The following INPP4A variants were observed in gnomAD, a reference collection of about 807,000 sequenced individuals.
INPP4A encodes inositol polyphosphate-4-phosphatase, type I, 107kD.
In INPP4A, 33 loss-of-function variants were observed where a neutral mutation model predicts 119.8. That is an observed-to-expected ratio of 0.28 (90% CI 0.21 to 0.37). INPP4A has a LOEUF of 0.37. Among genes scored for constraint, INPP4A ranks in the 10% least tolerant of loss-of-function variants. The pLI, the probability that INPP4A is intolerant of heterozygous loss-of-function variation, is 1.00. For synonymous variants in INPP4A, 496 were observed against 500.7 expected, an observed-to-expected ratio of 0.99 and a Z score of 0.12; for missense variants, 956 against 1,289.9, an observed-to-expected ratio of 0.74 and a Z score of 3.97.
intron 1 of INPP4A, among the ~76,000 whole-genome samples, chr2:98,487,973 C>A (rs1208082011): frequency 6.6e-6 from 1 of 152,176 alleles, no homozygotes; most frequent in Non-Finnish European, 1.5e-5. Context: ...TGCTCTGTCC[C>A]TGCTTGGCTT....
chr2:98,569,321 G>A lies in INPP4A; in HGVS notation c.2518+653G>A, dbSNP rs1697030485. 3 of 152,370 alleles carry A rather than the reference G, an allele frequency of 2.0e-5. No homozygotes were observed. The highest frequency in any genetic ancestry group is 2.0e-4 in the Admixed American group (3 of 15,288). 9.4% of individuals were successfully genotyped at this position (152,370 alleles called of 1,614,324 possible). On this transcript the variant is annotated intron_variant, in intron 22 of 24. Coordinates refer to ENST00000409851, the MANE Select transcript of INPP4A (RefSeq NM_001134225.2). This position sits in a 1 kb window ranked among gnomAD's most constrained non-coding sequence, Gnocchi z 5.1. ...GAGGATCCGATGGCGAATGAGGGGTGGACCCTACCTTGGAGGGAAAGCTGG... is the reference window on the plus strand; with the variant it reads ...GAGGATCCGATGGCGAATGAGGGGTAGACCCTACCTTGGAGGGAAAGCTGG...
intron 17 of INPP4A, 107 bp downstream of exon 17, chr2:98,559,602 A>G (rs1161765788): frequency 8.2e-7 from 1 of 1,214,574 alleles, no homozygotes; most frequent in African/African-American, 1.5e-5. Flanking sequence ...CAGAGTTGGG[A>G]AAGTATTCCA....
intron 22 of INPP4A, among the ~76,000 whole-genome samples, chr2:98,572,599 G>T (rs1697665249): frequency 6.6e-6 from 1 of 152,258 alleles, no homozygotes; most frequent in Non-Finnish European, 1.5e-5. Flanking sequence ...ACTGAAGGGA[G>T]ATGAAGGAAA....
chr2:98,590,137 ATAAC>A lies in INPP4A; in HGVS notation c.*2531_*2534del. ...TAGTCTTTAGAATGACACATAATAA[ATAAC>A]TGACAAGATATTAAATGTGGTCTTG... On this transcript the variant is annotated 3_prime_UTR_variant, in exon 25 of 25. Coordinates refer to ENST00000409851, the MANE Select transcript of INPP4A (RefSeq NM_001134225.2). The A allele has an allele frequency of 5.0e-6, 1 of 198,200 alleles. No homozygotes were observed. The highest frequency in any genetic ancestry group is 1.0e-5 in the Non-Finnish European group (1 of 95,822). 12.3% of individuals were successfully genotyped at this position (198,200 alleles called of 1,614,324 possible). A position where few individuals can be genotyped will look rare whatever the true frequency, so the allele number is the denominator to read the frequency against.
intron 24 of INPP4A, among the ~76,000 whole-genome samples, chr2:98,579,172 C>T (rs1254662014): frequency 2.0e-5 from 3 of 151,974 alleles, no homozygotes; most frequent in Non-Finnish European, 4.4e-5. Flanking sequence ...GCCCTTGCCT[C>T]CTGAGTAGCT....
At chr2:98,563,416 T>C (rs1437886671) in intron 17 of INPP4A, 49 bp from the exon 18 acceptor site, 2 of 1,552,020 alleles carry the variant, frequency 1.3e-6, no homozygotes, top group Admixed American at 3.7e-5. Context: ...CAGAACCTAA[T>C]TCTTAAAATC....
intron 1 of INPP4A, among the ~76,000 whole-genome samples, chr2:98,478,858 A>C (rs1677807646): frequency 6.6e-6 from 1 of 152,182 alleles, no homozygotes; most frequent in Admixed American, 6.5e-5. Flanking sequence ...CTGTTTTTTG[A>C]AAAGAAAGAG....
chr2:98,555,997 T>C (rs1400770162), intron 16 of INPP4A, 189 bp downstream of exon 16: 7 of 603,398 alleles, frequency 1.2e-5, no homozygotes, highest in Non-Finnish European at 1.9e-5. Context: ...TGCCTTTCCA[T>C]GTAACTGGAG....
chr2:98,487,512 G>A (rs766423625), intron 1 of INPP4A, among the ~76,000 whole-genome samples: 18 of 152,174 alleles, frequency 1.2e-4, no homozygotes, highest in African/African-American at 4.1e-4. Context: ...GATTTCAGGC[G>A]TGAGCCACCA....
chr2:98,526,935 C>T (rs935856346), intron 4 of INPP4A, among the ~76,000 whole-genome samples: 6 of 152,140 alleles, frequency 3.9e-5, no homozygotes, highest in Non-Finnish European at 5.9e-5. Context: ...TCACTCATCA[C>T]CAAGGGGATG....
At position 98,590,053 on chromosome 2, in the gene INPP4A, T is replaced by C; in HGVS notation, c.*2445T>C. 5.2e-6 allele frequency: 1 copy of C among 190,716 alleles called. No homozygotes were observed. The highest frequency in any genetic ancestry group is 1.1e-5 in the Non-Finnish European group (1 of 91,036). The allele number at this position is 190,716 out of a possible 1,614,324, so 11.8% of individuals were successfully genotyped here. On this transcript the variant is annotated 3_prime_UTR_variant, in exon 25 of 25. Coordinates refer to ENST00000409851, the MANE Select transcript of INPP4A (RefSeq NM_001134225.2). ...CAGTATTACTATATATATATAAACA[T>C]ACAGTTACTGTTTTATATATTCTTA... is the stretch of plus-strand genomic sequence containing the variant.
intron 7 of INPP4A, among the ~76,000 whole-genome samples, chr2:98,536,767 C>T (rs1204759618): frequency 2.0e-5 from 3 of 152,154 alleles, no homozygotes; most frequent in Admixed American, 1.3e-4. Context: ...GAACTGTGAT[C>T]TGGGAAAGTA....
At position 98,546,714 on chromosome 2, in the gene INPP4A, T is replaced by C. The variant is rs1012572319; in HGVS notation, c.1163+20T>C. The C allele has an allele frequency of 7.8e-6, 11 of 1,408,228 alleles. No homozygotes were observed. The highest frequency in any genetic ancestry group is 5.8e-5 in the South Asian group (5 of 86,850). The allele number at this position is 1,408,228 out of a possible 1,614,324, so 87.2% of individuals were successfully genotyped here. On this transcript the variant is annotated intron_variant, in intron 13 of 24. Transcript: ENST00000409851. The surrounding 1 kb of genome is among the most constrained non-coding windows in gnomAD (Gnocchi z 4.2). The stretch of plus-strand genomic sequence containing the variant: ...GAAACAGTAAGTAGCCAGAGAGGGT[T>C]TGTGGTCCTTGTACAGCTTTCTGAT...
intron 1 of INPP4A, among the ~76,000 whole-genome samples, chr2:98,492,115 C>G (rs1369132597): frequency 6.6e-6 from 1 of 152,148 alleles, no homozygotes; most frequent in African/African-American, 2.4e-5. Context: ...ATCTCGAACA[C>G]TGACCTCACA....
intron 16 of INPP4A, among the ~76,000 whole-genome samples, chr2:98,559,177 T>A (rs1194067128): frequency 6.6e-6 from 1 of 152,240 alleles, no homozygotes; most frequent in African/African-American, 2.4e-5. Flanking sequence ...ATAAGCTAGA[T>A]CGCACATCCC....
At chr2:98,568,379 A>G (rs913063323) in intron 21 of INPP4A, among the ~76,000 whole-genome samples, 192 bp from the exon 22 acceptor site, 9 of 152,222 alleles carry the variant, frequency 5.9e-5, no homozygotes, top group Admixed American at 4.6e-4. Context: ...ATTCCTGCCA[A>G]TGGAATGCAT....
chr2:98,466,854 C>G (rs929304640), intron 1 of INPP4A, among the ~76,000 whole-genome samples: 3 of 152,220 alleles, frequency 2.0e-5, no homozygotes, highest in African/African-American at 7.2e-5. Flanking sequence ...CTACACCAGG[C>G]TTCTGAATGC....
intron 1 of INPP4A, among the ~76,000 whole-genome samples, chr2:98,486,360 C>T (rs183826053): frequency 3.0e-4 from 46 of 152,320 alleles, no homozygotes; most frequent in African/African-American, 1.1e-3. Flanking sequence ...CTTGTCTAGG[C>T]CTGTGCTTCC....
rs536845315 is a variant in INPP4A at position 98,466,164 on chromosome 2, G to A, written c.-166+21079G>A. Among the ~76,000 whole-genome samples, 5 of 152,316 alleles carry A rather than the reference G, an allele frequency of 3.3e-5. No individual in the cohort carries two copies. The East Asian group carries it at 7.7e-4, about 23-fold the overall frequency. On this transcript the variant is annotated intron_variant, in intron 1 of 24. Transcript: ENST00000409851. Reference sequence around the variant, plus strand: ...GGATTCAAGCGATTCTCCTGCCTCAGCCTCTTGAGTAGCTGGGACTACAGG... The same window carrying A: ...GGATTCAAGCGATTCTCCTGCCTCAACCTCTTGAGTAGCTGGGACTACAGG...
Sources: gnomAD v4.1 joint callset for allele counts (sites outside exome capture counted in the v4.1 genomes callset) on GRCh38, gnomAD v4.1.1 for gene constraint, Gnocchi (gnomAD v3.1) non-coding constraint, MANE v1.5 for transcripts, NCBI Gene and HGNC (gene_info 2026-07-23, HGNC 2026-07-21) for gene names.